RGS5: variants seen among roughly 807,000 people sequenced by gnomAD.
RGS5 encodes the protein regulator of G protein signaling 5, also known as regulator of G-protein signalling 5.
A neutral mutation model predicts 18.9 loss-of-function variants in RGS5; 20 were observed. The observed-to-expected ratio is 1.06, with a 90% CI of 0.74 to 1.54. RGS5 has a LOEUF of 1.54. RGS5 is among the 40% of genes most tolerant of loss of function. The pLI is 0.00. For synonymous variants in RGS5, 57 were observed against 76.2 expected, an observed-to-expected ratio of 0.75 and a Z score of 1.31; for missense variants, 201 against 211.8, an observed-to-expected ratio of 0.95 and a Z score of 0.32.
chr1:163,291,097 A>C (rs1649272240), intron 2 of RGS5, among the ~76,000 whole-genome samples: 1 of 151,726 alleles, frequency 6.6e-6, no homozygotes, highest in Admixed American at 6.6e-5. Context: ...ATTTCAGGGC[A>C]TCCATTCTAA....
chr1:163,283,564 G>A (rs763826486), intron 2 of RGS5, among the ~76,000 whole-genome samples: 8 of 152,078 alleles, frequency 5.3e-5, no homozygotes, highest in Admixed American at 1.3e-4. Context: ...TTTCCACTCC[G>A]TGAGTGTATG....
chr1:163,285,556 AAAC>A (rs139150649), intron 2 of RGS5, among the ~76,000 whole-genome samples: 14,677 of 152,044 alleles, frequency 0.097, 967 homozygotes, highest in South Asian at 0.2. Context: ...AAACAAAACA[AAAC>A]AAAACAAACA....
intron 2 of RGS5, among the ~76,000 whole-genome samples, chr1:163,286,468 C>T (rs900222976): frequency 1.3e-5 from 2 of 151,946 alleles, no homozygotes; most frequent in Admixed American, 1.3e-4. Context: ...TATGTAAAGT[C>T]TCTCATTATT....
rs552019294 is a variant in RGS5, at chr1:163,255,011, C to A, written c.-281+51222G>T. On this transcript the variant is annotated intron_variant, in intron 2 of 5. Coordinates refer to the RGS5 transcript ENST00000618415. ...TGTTCTGTTCCATTGATCTATATCT[C>A]TGTTTTGGTACCAGTACCATGCTGT... 2.1e-3 allele frequency among the ~76,000 whole-genome samples: 313 copies of A among 152,230 alleles called. 1 individual carries two copies. The highest frequency in any genetic ancestry group is 0.011 in the South Asian group (53 of 4,810).
chr1:163,224,903 A>T (rs1378811219), intron 2 of RGS5, among the ~76,000 whole-genome samples: 4 of 151,244 alleles, frequency 2.6e-5, no homozygotes, highest in African/African-American at 9.7e-5. Flanking sequence ...GAGTTTTTTG[A>T]GTTTCTTATA....
At chr1:163,182,004 TTAA>T (rs1658871924) in intron 1 of RGS5, among the ~76,000 whole-genome samples, 1 of 152,194 alleles carries the variant, frequency 6.6e-6, no homozygotes, top group African/African-American at 2.4e-5. Flanking sequence ...AGTTAATGCA[TTAA>T]TAGGTTTAGC....
chr1:163,156,934 T>C (rs1394410450), intron 3 of RGS5, among the ~76,000 whole-genome samples: 1 of 152,122 alleles, frequency 6.6e-6, no homozygotes, highest in South Asian at 2.1e-4. Context: ...GCTTTTATTA[T>C]TATAATAATT....
intron 2 of RGS5, among the ~76,000 whole-genome samples, chr1:163,236,896 G>A (rs925118251): frequency 1.1e-4 from 16 of 152,022 alleles, no homozygotes. Flanking sequence ...GGGAGGTGGA[G>A]GTGGCAGTGA....
intron 2 of RGS5, among the ~76,000 whole-genome samples, chr1:163,291,513 T>C (rs1649287927): frequency 6.6e-6 from 1 of 151,890 alleles, no homozygotes; most frequent in African/African-American, 2.4e-5. Flanking sequence ...CAGCCGGCCA[T>C]GATTCTAGAG....
intron 1 of RGS5, among the ~76,000 whole-genome samples, chr1:163,180,686 G>GTTTTTTTTTGTTTTTTTT (rs1658783302): frequency 1.6e-5 from 1 of 61,964 alleles, no homozygotes; most frequent in African/African-American, 7.1e-5. Flanking sequence ...CCCTTACCCT[G>GTTTTTTTTTGTTTTTTTT]TTTTTTTTTT....
At chr1:163,276,178 A>C (rs1571335015) in intron 2 of RGS5, among the ~76,000 whole-genome samples, 1 of 151,870 alleles carries the variant, frequency 6.6e-6, no homozygotes, top group African/African-American at 2.4e-5. Context: ...ATTTTTAGTA[A>C]AGACGGGGTT....
intron 2 of RGS5, among the ~76,000 whole-genome samples, chr1:163,283,252 G>A (rs1440914922): frequency 6.6e-6 from 1 of 152,080 alleles, no homozygotes; most frequent in African/African-American, 2.4e-5. Flanking sequence ...CTATACTTTA[G>A]TGTATGTGTT....
intron 2 of RGS5, among the ~76,000 whole-genome samples, chr1:163,274,235 A>C (rs1480129828): frequency 6.6e-6 from 1 of 151,658 alleles, no homozygotes; most frequent in Non-Finnish European, 1.5e-5. Flanking sequence ...AATAGGGCTG[A>C]TTACCAGAGA....
At chr1:163,149,417 T>C (rs1029388804) in intron 4 of RGS5, among the ~76,000 whole-genome samples, 1 of 152,306 alleles carries the variant, frequency 6.6e-6, no homozygotes, top group South Asian at 2.1e-4. Context: ...TTTCTAAAAA[T>C]TATAAAAGTA....
chr1:163,180,584 C>A (rs769882979), intron 1 of RGS5, among the ~76,000 whole-genome samples: 1 of 150,748 alleles, frequency 6.6e-6, no homozygotes, highest in African/African-American at 2.4e-5. Flanking sequence ...TACAATTGTG[C>A]GAGTTTTAAC....
chr1:163,156,316 C>A (rs12072070), intron 3 of RGS5, among the ~76,000 whole-genome samples: 31,436 of 151,802 alleles, frequency 0.21, 5,339 homozygotes, highest in African/African-American at 0.47. Flanking sequence ...TTACATGGTA[C>A]CTGACATAAT....
intron 2 of RGS5, chr1:163,300,779 C>T (rs1317525337): frequency 1.3e-5 from 2 of 152,166 alleles, no homozygotes; most frequent in Non-Finnish European, 2.9e-5. Flanking sequence ...GTTACCCAAG[C>T]AAATCTCTCA....
chr1:163,303,609 T>C (rs1297766290), intron 2 of RGS5, among the ~76,000 whole-genome samples: 1 of 152,208 alleles, frequency 6.6e-6, no homozygotes, highest in Non-Finnish European at 1.5e-5. Flanking sequence ...CATTCACTCA[T>C]TTGAGACTGG....
At chr1:163,147,926 T>TCTTTTTTTTC (rs1553211788) in intron 4 of RGS5, among the ~76,000 whole-genome samples, 1 of 125,684 alleles carries the variant, frequency 8.0e-6, no homozygotes, top group East Asian at 2.3e-4. Context: ...TTCTTTTTTT[T>TCTTTTTTTTC]TTTTTTTTTT....
Sources: gnomAD v4.1 joint callset for allele counts (sites outside exome capture counted in the v4.1 genomes callset) on GRCh38, gnomAD v4.1.1 for gene constraint, MANE v1.5 for transcripts, NCBI Gene and HGNC (gene_info 2026-07-23, HGNC 2026-07-21) for gene names.